Variants in ZNF148 observed in about 807,000 individuals in gnomAD.
ZNF148 encodes the protein Beta-Enolase Repressor Factor-1.
ZNF148 carries 7 observed loss-of-function variants against 67.7 expected under a neutral mutation model. The ratio of observed to expected loss-of-function variants is 0.10; its 90% CI spans 0.06 to 0.19. The LOEUF is 0.19. Ranked by LOEUF, ZNF148 falls within the 10% of genes least tolerant of loss-of-function variation. The pLI is 1.00. For synonymous variants in ZNF148, 333 were observed against 330.7 expected (o/e 1.01, Z -0.08); for missense variants, 583 against 947.1 (o/e 0.62, Z 5.05).
intron 1 of ZNF148, among the ~76,000 whole-genome samples, chr3:125,347,413 T>C (rs1428692269): frequency 6.6e-6 from 1 of 152,192 alleles, no homozygotes; most frequent in Non-Finnish European, 1.5e-5. Flanking sequence ...AGTTAAAGGA[T>C]GCATACATTC....
chr3:125,354,907 T>C (rs1419683390), intron 1 of ZNF148, among the ~76,000 whole-genome samples: 1 of 152,228 alleles, frequency 6.6e-6, no homozygotes, highest in African/African-American at 2.4e-5. Flanking sequence ...CACAATGCGA[T>C]TATTTAACAT....
chr3:125,246,945 G>C (rs895998088), intron 7 of ZNF148, among the ~76,000 whole-genome samples: 2 of 152,142 alleles, frequency 1.3e-5, no homozygotes, highest in Admixed American at 1.3e-4. Context: ...ATCAGGCTAA[G>C]TAGAACCCAT....
intron 7 of ZNF148, among the ~76,000 whole-genome samples, chr3:125,268,028 TAAG>T (rs1370770588): frequency 5.9e-5 from 9 of 151,978 alleles, no homozygotes; most frequent in Admixed American, 4.6e-4. Context: ...AAGATCTCTA[TAAG>T]AAGAACTAAA....
At chr3:125,332,835 T>A (rs1941344200) in intron 1 of ZNF148, among the ~76,000 whole-genome samples, 2 of 152,240 alleles carry the variant, frequency 1.3e-5, no homozygotes, top group Non-Finnish European at 2.9e-5. Context: ...TCTAAAATTC[T>A]TCTTTTAACA....
At chr3:125,342,509 C>T (rs1437358615) in intron 1 of ZNF148, among the ~76,000 whole-genome samples, 1 of 151,770 alleles carries the variant, frequency 6.6e-6, no homozygotes, top group African/African-American at 2.4e-5. Flanking sequence ...AATGCAACTG[C>T]CAACTGGGAA....
intron 1 of ZNF148, among the ~76,000 whole-genome samples, chr3:125,360,464 T>C (rs1157052390): frequency 6.6e-6 from 1 of 152,066 alleles, no homozygotes; most frequent in Non-Finnish European, 1.5e-5. Flanking sequence ...TTTTTATTTT[T>C]GTGTAGAGAC....
intron 7 of ZNF148, among the ~76,000 whole-genome samples, chr3:125,236,357 C>T (rs1936091098): frequency 6.6e-6 from 1 of 152,150 alleles, no homozygotes; most frequent in Admixed American, 6.5e-5. Flanking sequence ...AGCCACTGCG[C>T]CTTGCCCCTT....
chr3:125,357,192 C>T lies in ZNF148; in HGVS notation c.-234+17910G>A, dbSNP rs541020091. On this transcript the variant is annotated intron_variant, in intron 1 of 8. Coordinates refer to ENST00000360647, the MANE Select transcript of ZNF148 (RefSeq NM_021964.3). ...GCGCCAGCGGGGCAGGCCCAGAAGG[C>T]GCGGTATCTGGGAGGTCCGGCCGCC... 1.1e-3 allele frequency: 163 copies of T among 152,352 alleles called. 1 individual carries two copies. Among genetic ancestry groups the T allele is most frequent in the East Asian group, 7.7e-3 (40 of 5,176 alleles). The allele number at this position is 152,352 out of a possible 1,614,324, so 9.4% of individuals were successfully genotyped here.
In ZNF148 at chr3:125,229,463, A is replaced by C. The variant is rs768104293; in HGVS notation, c.*2878T>G. On this transcript the variant is annotated 3_prime_UTR_variant, in exon 9 of 9. Transcript: ENST00000360647. ...GTACCACATTTGCATGTAGACCCAA[A>C]ACGTTTAAGAGCCACTTAAATATTC... 19 of 152,180 alleles carry C rather than the reference A, an allele frequency of 1.2e-4. No homozygotes were observed. The highest frequency in any genetic ancestry group is 2.2e-4 in the Non-Finnish European group (15 of 68,020). 9.4% of individuals were successfully genotyped at this position (152,180 alleles called of 1,614,324 possible). A position where few individuals can be genotyped will look rare whatever the true frequency, so the allele number is the denominator to read the frequency against.
chr3:125,310,968 C>T (rs1380420910), intron 4 of ZNF148: 2 of 200,224 alleles, frequency 1.0e-5, no homozygotes, highest in Non-Finnish European at 2.2e-5. Flanking sequence ...TCCGTTTTGC[C>T]CCATTCTCTG....
chr3:125,326,851 T>C (rs951635165), intron 2 of ZNF148, among the ~76,000 whole-genome samples: 4 of 139,786 alleles, frequency 2.9e-5, no homozygotes, highest in Non-Finnish European at 6.3e-5. Context: ...CAGATATATA[T>C]GTATATAAAG....
intron 1 of ZNF148, among the ~76,000 whole-genome samples, chr3:125,369,235 C>CTGAG (rs536230946): frequency 2.7e-5 from 3 of 111,424 alleles, no homozygotes; most frequent in Non-Finnish European, 4.9e-5. Flanking sequence ...GGACTCCAGC[C>CTGAG]TGAGTGACAG....
chr3:125,248,699 C>T (rs1027777908), intron 7 of ZNF148, among the ~76,000 whole-genome samples: 5 of 152,164 alleles, frequency 3.3e-5, no homozygotes, highest in African/African-American at 1.2e-4. Context: ...TTCATATACA[C>T]TGTATTTCAG....
intron 4 of ZNF148, chr3:125,311,123 GA>G (rs1340569348): frequency 1.0e-5 from 2 of 194,306 alleles, no homozygotes; most frequent in Non-Finnish European, 2.2e-5. Flanking sequence ...TGTTACAGAA[GA>G]GTAGCTCCAT....
chr3:125,327,731 C>A (rs1941091556), intron 2 of ZNF148, among the ~76,000 whole-genome samples: 2 of 152,048 alleles, frequency 1.3e-5, no homozygotes, highest in African/African-American at 4.8e-5. Flanking sequence ...GGGAAATCCA[C>A]AAACATTTGG....
intron 4 of ZNF148, among the ~76,000 whole-genome samples, chr3:125,307,705 T>C (rs1939960981): frequency 6.6e-6 from 1 of 152,046 alleles, no homozygotes; most frequent in African/African-American, 2.4e-5. Context: ...AGTACAATGG[T>C]GTGATCTTGG....
intron 4 of ZNF148, among the ~76,000 whole-genome samples, chr3:125,309,695 G>A (rs1198112863): frequency 6.6e-6 from 1 of 152,160 alleles, no homozygotes; most frequent in African/African-American, 2.4e-5. Context: ...CACTGGGGAA[G>A]TTTCAGTAAG....
chr3:125,370,409 T>G (rs1942841665), intron 1 of ZNF148, among the ~76,000 whole-genome samples: 2 of 152,336 alleles, frequency 1.3e-5, no homozygotes, highest in South Asian at 2.1e-4. Flanking sequence ...CTACTTTCTA[T>G]CAGTCATTCA....
chr3:125,346,133 G>C (rs1348684125), intron 1 of ZNF148, among the ~76,000 whole-genome samples: 1 of 152,222 alleles, frequency 6.6e-6, no homozygotes, highest in East Asian at 1.9e-4. Context: ...GCATGACCAT[G>C]TAGGATTTAT....
Sources: gnomAD v4.1 joint callset for allele counts (sites outside exome capture counted in the v4.1 genomes callset) on GRCh38, gnomAD v4.1.1 for gene constraint, MANE v1.5 for transcripts, NCBI Gene and HGNC (gene_info 2026-07-23, HGNC 2026-07-21) for gene names.